Variants in LHFPL6 observed in about 807,000 individuals in gnomAD.
The protein encoded by LHFPL6 is LHFPL tetraspan subfamily member 6.
A neutral mutation model predicts 20.6 loss-of-function variants in LHFPL6; 9 were observed. The ratio of observed to expected loss-of-function variants is 0.44; its 90% confidence interval spans 0.26 to 0.76. The LOEUF is 0.76. LHFPL6 is among the 30% of genes least tolerant of loss of function. The pLI is 0.20. For synonymous variants in LHFPL6, 105 were observed against 98.7 expected (o/e 1.06, Z -0.38); for missense variants, 218 against 253.5 (o/e 0.86, Z 0.95).
chr13:39,433,631 A>G (rs947417937), intron 2 of LHFPL6, among the ~76,000 whole-genome samples: 3 of 152,210 alleles, frequency 2.0e-5, no homozygotes, highest in African/African-American at 7.2e-5. Context: ...AGTGATAAAC[A>G]ATTATTACCA....
chr13:39,593,891 G>A (rs932165604), intron 2 of LHFPL6, among the ~76,000 whole-genome samples: 6 of 152,318 alleles, frequency 3.9e-5, no homozygotes, highest in African/African-American at 1.4e-4. Context: ...AATAAATGGT[G>A]CTAGGAAGAC....
At chr13:39,461,277 G>A (rs151067865) in intron 2 of LHFPL6, among the ~76,000 whole-genome samples, 11 of 152,198 alleles carry the variant, frequency 7.2e-5, no homozygotes, top group East Asian at 1.9e-4. Context: ...TTGCTATTGC[G>A]AATAGTACTG....
chr13:39,488,951 T>A (rs1419174434), intron 2 of LHFPL6, among the ~76,000 whole-genome samples: 1 of 152,170 alleles, frequency 6.6e-6, no homozygotes, highest in Non-Finnish European at 1.5e-5. Flanking sequence ...TGGACATAAA[T>A]GCCCCAATAG....
intron 2 of LHFPL6, among the ~76,000 whole-genome samples, chr13:39,440,886 T>A (rs151295846): frequency 6.6e-6 from 1 of 152,290 alleles, no homozygotes; most frequent in African/African-American, 2.4e-5. Flanking sequence ...TCACGAGGTC[T>A]GATGGTTTTA....
intron 2 of LHFPL6, among the ~76,000 whole-genome samples, chr13:39,573,309 G>A (rs996162390): frequency 6.6e-6 from 1 of 152,116 alleles, no homozygotes; most frequent in Non-Finnish European, 1.5e-5. Flanking sequence ...CAATTTAAAT[G>A]AGTATGTATC....
At position 39,343,603 on chromosome 13, in the gene LHFPL6, T is replaced by TTGTGTGTGTGTG. The variant is rs67172252; in HGVS notation, c.*321_*332dup. The TTGTGTGTGTGTG allele has an allele frequency of 1.7e-3, 329 of 195,086 alleles. No homozygotes were observed. The highest frequency in any genetic ancestry group is 2.9e-3 in the Admixed American group (45 of 15,472). 12.1% of individuals were successfully genotyped at this position (195,086 alleles called of 1,614,324 possible). On this transcript the variant is annotated 3_prime_UTR_variant, in exon 4 of 4. Transcript: ENST00000379589. Reference sequence around the variant, plus strand: ...ACCCTTGTTTGTATATGTAGATTTGTTGTGTGTGTGTGTGTGTGTGTGTGT... The same window carrying TTGTGTGTGTGTG: ...ACCCTTGTTTGTATATGTAGATTTGTTGTGTGTGTGTGTGTGTGTGTGTGTGTGTGTGTGTGT...
At chr13:39,356,294 G>A (rs1191385928) in intron 3 of LHFPL6, among the ~76,000 whole-genome samples, 1 of 152,046 alleles carries the variant, frequency 6.6e-6, no homozygotes, top group Non-Finnish European at 1.5e-5. Context: ...TGAAATTAAG[G>A]CAGAAATTTA....
chr13:39,490,340 G>C (rs73462890), intron 2 of LHFPL6, among the ~76,000 whole-genome samples: 2,385 of 152,288 alleles, frequency 0.016, 61 homozygotes, highest in African/African-American at 0.054. Context: ...GTCTCTAAAA[G>C]CCTGATAGGG....
chr13:39,398,099 G>A (rs1294924029), intron 2 of LHFPL6, among the ~76,000 whole-genome samples: 1 of 152,146 alleles, frequency 6.6e-6, no homozygotes, highest in African/African-American at 2.4e-5. Context: ...GCCCTCCTCC[G>A]AGGACTGCAT....
At chr13:39,504,204 T>C (rs759624292) in intron 2 of LHFPL6, among the ~76,000 whole-genome samples, 12 of 152,224 alleles carry the variant, frequency 7.9e-5, no homozygotes, top group Non-Finnish European at 1.5e-4. Context: ...TTAATCACAA[T>C]GTTTTATAAA....
intron 2 of LHFPL6, among the ~76,000 whole-genome samples, chr13:39,438,875 C>G (rs1872036465): frequency 6.6e-6 from 1 of 152,198 alleles, no homozygotes; most frequent in Non-Finnish European, 1.5e-5. Context: ...ACAGAAAAGC[C>G]TAAATGTTCA....
intron 2 of LHFPL6, among the ~76,000 whole-genome samples, chr13:39,515,335 T>A (rs1266716937): frequency 2.0e-5 from 3 of 152,122 alleles, no homozygotes; most frequent in East Asian, 3.8e-4. Context: ...TGAAAGAAAA[T>A]AAAGCTTGAA....
intron 1 of LHFPL6, 54 bp downstream of exon 1, chr13:39,602,829 C>G (rs969936642): frequency 3.9e-5 from 6 of 152,232 alleles, no homozygotes; most frequent in Non-Finnish European, 5.9e-5. Context: ...GAGAGGGAGC[C>G]CGGGAGAAAG....
chr13:39,587,444 AC>A (rs1159992443), intron 2 of LHFPL6, among the ~76,000 whole-genome samples: 1 of 152,108 alleles, frequency 6.6e-6, no homozygotes, highest in Non-Finnish European at 1.5e-5. Flanking sequence ...CCTGCCCTGC[AC>A]ACCTGCAGCA....
At chr13:39,465,142 T>C (rs1481996668) in intron 2 of LHFPL6, among the ~76,000 whole-genome samples, 1 of 152,206 alleles carries the variant, frequency 6.6e-6, no homozygotes, top group Non-Finnish European at 1.5e-5. Flanking sequence ...AGATTCTTTA[T>C]TCTCATGGGA....
At chr13:39,441,413 C>T (rs914565809) in intron 2 of LHFPL6, among the ~76,000 whole-genome samples, 2 of 151,916 alleles carry the variant, frequency 1.3e-5, no homozygotes, top group Admixed American at 6.6e-5. Flanking sequence ...ATTTGTAGGA[C>T]CACCATGGAG....
At chr13:39,515,693 T>A (rs1869888763) in intron 2 of LHFPL6, among the ~76,000 whole-genome samples, 1 of 152,208 alleles carries the variant, frequency 6.6e-6, no homozygotes, top group Admixed American at 6.5e-5. Flanking sequence ...ACTGGCTCGC[T>A]GATTGCCCTT....
At chr13:39,572,474 A>G (rs1871956477) in intron 2 of LHFPL6, among the ~76,000 whole-genome samples, 1 of 152,184 alleles carries the variant, frequency 6.6e-6, no homozygotes, top group African/African-American at 2.4e-5. Flanking sequence ...AATAAAGGGT[A>G]TTATACAGTA....
chr13:39,490,451 G>A (rs1245739039), intron 2 of LHFPL6, among the ~76,000 whole-genome samples: 5 of 152,188 alleles, frequency 3.3e-5, no homozygotes, highest in South Asian at 2.1e-4. Flanking sequence ...TTTAGCCACC[G>A]GTAGGCTCGC....
Sources: gnomAD v4.1 joint callset for allele counts (sites outside exome capture counted in the v4.1 genomes callset) on GRCh38, gnomAD v4.1.1 for gene constraint, MANE v1.5 for transcripts, NCBI Gene and HGNC (gene_info 2026-07-23, HGNC 2026-07-21) for gene names.